The following TRIM37 variants were observed in gnomAD, a reference collection of about 807,000 sequenced individuals.
The protein encoded by TRIM37 is E3 ubiquitin-protein ligase TRIM37.
Under a neutral mutation model 129.8 loss-of-function variants are expected in TRIM37, and 80 were observed. That is an observed-to-expected ratio of 0.62 (90% confidence interval 0.51 to 0.74). TRIM37 has a LOEUF of 0.74. TRIM37 is among the 30% of genes least tolerant of loss of function. The probability of loss-of-function intolerance (pLI) is 0.00; values close to 1 mark genes in which losing one functional copy is unlikely to be tolerated. For missense variants in TRIM37, 1,054 were observed against 1,176.5 expected, an observed-to-expected ratio of 0.90 and a Z score of 1.52; for synonymous variants, 389 against 387.1, an observed-to-expected ratio of 1.00 and a Z score of -0.06.
chr17:59,042,805 T>C (rs371043779), intron 16 of TRIM37, among the ~76,000 whole-genome samples: 2 of 148,678 alleles, frequency 1.3e-5, no homozygotes, highest in African/African-American at 4.9e-5. Context: ...AAAGGAAGAT[T>C]AAAAAAAAAG....
chr17:59,064,916 T>C (rs1345853824), intron 9 of TRIM37, among the ~76,000 whole-genome samples: 7 of 151,008 alleles, frequency 4.6e-5, no homozygotes, highest in African/African-American at 1.7e-4. Context: ...CCAAATGTGG[T>C]GGTGTGCGCC....
chr17:59,000,661 A>G (rs903771870), intron 23 of TRIM37, among the ~76,000 whole-genome samples: 5 of 152,178 alleles, frequency 3.3e-5, no homozygotes, highest in Non-Finnish European at 5.9e-5. Context: ...GAAAATATTA[A>G]TAGTAGGTTT....
chr17:59,093,600 G>T (rs937719137), intron 2 of TRIM37, among the ~76,000 whole-genome samples: 1 of 152,094 alleles, frequency 6.6e-6, no homozygotes, highest in Admixed American at 6.6e-5. Context: ...CTTATTTGTT[G>T]GTCTCCTTTG....
At chr17:59,042,426 G>T (rs2039279955) in intron 16 of TRIM37, among the ~76,000 whole-genome samples, 1 of 37,656 alleles carries the variant, frequency 2.7e-5, no homozygotes, top group African/African-American at 1.6e-4. Context: ...AGAAAAAAAG[G>T]AATTTAAAAA....
At chr17:59,003,522 G>GTAGTTATTTAAGGATATTCA (rs1379245094) in intron 22 of TRIM37, among the ~76,000 whole-genome samples, 3 of 151,936 alleles carry the variant, frequency 2.0e-5, no homozygotes, top group Non-Finnish European at 4.4e-5. Context: ...GATGGGTAGT[G>GTAGTTATTTAAGGATATTCA]TAGTTATTTA....
chr17:58,987,960 C>A (rs2031972746), intron 24 of TRIM37, among the ~76,000 whole-genome samples: 1 of 152,212 alleles, frequency 6.6e-6, no homozygotes, highest in Non-Finnish European at 1.5e-5. Context: ...TCTACTCTTA[C>A]AATGCAAACG....
chr17:59,023,685 C>T (rs2036887300), intron 19 of TRIM37, among the ~76,000 whole-genome samples: 1 of 151,560 alleles, frequency 6.6e-6, no homozygotes. Context: ...CAAAAAAGTA[C>T]CTATTGAAAC....
At chr17:59,025,650 T>C (rs1485643598) in intron 19 of TRIM37, among the ~76,000 whole-genome samples, 1 of 152,030 alleles carries the variant, frequency 6.6e-6, no homozygotes, top group Non-Finnish European at 1.5e-5. Flanking sequence ...GGCCCTCCTA[T>C]ATGCAGGTTT....
chr17:59,068,639 T>C (rs370151592), intron 9 of TRIM37, among the ~76,000 whole-genome samples: 121 of 152,308 alleles, frequency 7.9e-4, no homozygotes, highest in African/African-American at 2.8e-3. Flanking sequence ...AGTGCTGTCA[T>C]TCAGAAATGA....
At chr17:59,057,205 C>A in intron 12 of TRIM37, 151 bp from the exon 13 acceptor site, 2 of 732,134 alleles carry the variant, frequency 2.7e-6, no homozygotes, top group South Asian at 1.8e-5. Flanking sequence ...ATAAAAACAG[C>A]AGTATTTTGG....
chr17:59,069,145 G>C (rs898167096), intron 9 of TRIM37, among the ~76,000 whole-genome samples: 2 of 152,030 alleles, frequency 1.3e-5, no homozygotes, highest in African/African-American at 4.8e-5. Flanking sequence ...TGAGGAGTTT[G>C]AGACCAGCCT....
At chr17:59,053,580 A>G (rs889775731) in intron 13 of TRIM37, among the ~76,000 whole-genome samples, 4 of 152,222 alleles carry the variant, frequency 2.6e-5, no homozygotes, top group African/African-American at 9.6e-5. Flanking sequence ...AAATGATGTC[A>G]TAACAGGAAT....
chr17:59,049,261 C>A lies in TRIM37; in HGVS notation c.1447G>T (p.Glu483Ter). 1 of 1,614,138 alleles carries A rather than the reference C, an allele frequency of 6.2e-7. No individual in the cohort carries two copies. The highest frequency in any genetic ancestry group is 2.2e-5 in the East Asian group (1 of 44,866). Residue 483 changes from glutamate to a stop codon, truncating the protein, a stop_gained, in exon 15 of 24, where the codon GAA becomes TAA. Transcript: ENST00000262294. LOFTEE classifies it high-confidence loss of function. Reference protein sequence around the residue: ...KKSACSDMLLEGGPTTASVRE... With the variant: ...KKSACSDMLL ...ACAGAAGCTGTAGTAGGACCACCTT[C>A]GAGAAGCATGTCAGAGCATGCAGAC...
intron 9 of TRIM37, among the ~76,000 whole-genome samples, chr17:59,066,068 A>G (rs1167330431): frequency 1.2e-4 from 18 of 152,192 alleles, no homozygotes; most frequent in Admixed American, 8.5e-4. Context: ...ATTTCTTCAG[A>G]TAACAGATTA....
At chr17:59,025,217 C>G (rs1450922413) in intron 19 of TRIM37, among the ~76,000 whole-genome samples, 1 of 152,000 alleles carries the variant, frequency 6.6e-6, no homozygotes, top group African/African-American at 2.4e-5. Flanking sequence ...ATTTACCTCA[C>G]ACAGCATCAT....
chr17:59,006,521 C>G (rs2034501648), intron 22 of TRIM37, among the ~76,000 whole-genome samples: 1 of 152,148 alleles, frequency 6.6e-6, no homozygotes, highest in Non-Finnish European at 1.5e-5. Flanking sequence ...TCGAAGAGGA[C>G]CCTGATATTG....
At chr17:59,090,594 G>A (rs1004668684) in intron 3 of TRIM37, among the ~76,000 whole-genome samples, 5 of 151,758 alleles carry the variant, frequency 3.3e-5, no homozygotes, top group Admixed American at 3.3e-4. Context: ...GGATTTTTTT[G>A]TTTGTTTTTT....
intron 2 of TRIM37, among the ~76,000 whole-genome samples, chr17:59,100,609 C>T (rs1264712795): frequency 1.3e-5 from 2 of 152,100 alleles, no homozygotes; most frequent in African/African-American, 4.8e-5. Flanking sequence ...CAATGGTTGC[C>T]TGGGGACAAG....
chr17:59,087,458 C>CT (rs56956832), intron 4 of TRIM37, among the ~76,000 whole-genome samples: 32,051 of 130,664 alleles, frequency 0.25, 3,958 homozygotes, highest in African/African-American at 0.33. Context: ...AAGCCTCTTT[C>CT]TTTTTTTTTT....
Sources: gnomAD v4.1 joint callset for allele counts (sites outside exome capture counted in the v4.1 genomes callset) on GRCh38, gnomAD v4.1.1 for gene constraint, MANE v1.5 for transcripts, NCBI Gene and HGNC (gene_info 2026-07-23, HGNC 2026-07-21) for gene names.